The following RTCA variants were observed in gnomAD, a reference collection of about 807,000 sequenced individuals.
RTCA encodes the protein RNA 3'-terminal phosphate cyclase, also known as RNA terminal phosphate cyclase domain 1.
In RTCA, 37 loss-of-function variants were observed where a neutral mutation model predicts 46.1. The observed-to-expected ratio is 0.80, with a 90% CI of 0.62 to 1.06. The LOEUF (loss-of-function observed/expected upper bound fraction) is 1.06, where lower values mean the gene tolerates loss of function less well. Ranked by LOEUF, RTCA falls within the 50% of genes least tolerant of loss-of-function variation. The probability of loss-of-function intolerance (pLI) is 0.00; values close to 1 mark genes in which losing one functional copy is unlikely to be tolerated. For synonymous variants in RTCA, 164 were observed against 158.3 expected (o/e 1.04, Z -0.27); for missense variants, 435 against 455.5 (o/e 0.95, Z 0.41).
intron 10 of RTCA, among the ~76,000 whole-genome samples, chr1:100,290,523 C>T (rs72983935): frequency 0.035 from 5,274 of 152,256 alleles, 312 homozygotes; most frequent in African/African-American, 0.12. Context: ...GTAATCCCAG[C>T]GCTTTAGGAA....
At chr1:100,289,882 T>C (rs144169219) in intron 10 of RTCA, among the ~76,000 whole-genome samples, 1 of 152,388 alleles carries the variant, frequency 6.6e-6, no homozygotes, top group East Asian at 1.9e-4. Flanking sequence ...ATAGGCCTGC[T>C]ATGCTCCTTT....
At chr1:100,282,253 G>C (rs1486945506) in intron 8 of RTCA, among the ~76,000 whole-genome samples, 1 of 152,186 alleles carries the variant, frequency 6.6e-6, no homozygotes, top group East Asian at 1.9e-4. Context: ...TATCAAGGTG[G>C]CTGGGTGGAA....
intron 9 of RTCA, 26 bp from the exon 10 acceptor site, chr1:100,287,073 G>A (rs768131752): frequency 1.4e-6 from 2 of 1,463,524 alleles, no homozygotes; most frequent in Non-Finnish European, 1.8e-6. Flanking sequence ...AATGTGTGAG[G>A]TTTTTCTTTG....
In RTCA at chr1:100,266,609, G is replaced by A; in HGVS notation, c.131G>A (p.Ser44Asn). 1 of 1,612,828 alleles carries A rather than the reference G, an allele frequency of 6.2e-7. No homozygotes were observed. Residue 44 changes from serine to asparagine, a missense_variant, in exon 2 of 11, where the codon AGC becomes AAC. Transcript: ENST00000370128. Reference sequence around the variant, plus strand: ...GTGCAGAAGATCCGAGCCGGCCGGAGCACGCCAGGCCTGAGGTAAATCTGG... The same window carrying A: ...GTGCAGAAGATCCGAGCCGGCCGGAACACGCCAGGCCTGAGGTAAATCTGG... ...LRVQKIRAGRSTPGLRPQHLS... is the reference protein window; with the variant it reads ...LRVQKIRAGRNTPGLRPQHLS...
chr1:100,270,557 G>C lies in RTCA; in HGVS notation c.291G>C (p.Gly97=). The C allele has an allele frequency of 6.2e-7, 1 of 1,613,720 alleles. No homozygotes were observed. The highest frequency in any genetic ancestry group is 1.1e-5 in the South Asian group (1 of 90,982). ...GIHTADTKTA[G]SVCLLMQVSM... ...TAAGCCCCTTCTGCCTTCTCCTTAGGAGTGTGTGCCTCTTGATGCAGGTCT... is the reference window on the plus strand; with the variant it reads ...TAAGCCCCTTCTGCCTTCTCCTTAGCAGTGTGTGCCTCTTGATGCAGGTCT... The change falls in exon 4 of 11, where the codon GGG becomes GGC. Residue 97 remains glycine (G), a splice_region_variant and synonymous_variant. Transcript: ENST00000370128.
chr1:100,283,922 T>TAAAAAAAA (rs562483681), intron 8 of RTCA, among the ~76,000 whole-genome samples: 8 of 11,370 alleles, frequency 7.0e-4, no homozygotes, highest in Admixed American at 2.4e-3. Context: ...ACCTAGTCGC[T>TAAAAAAAA]AAAAAAAAAA....
Position 100,267,891 on chromosome 1 carries a change from A to G in RTCA, c.147-261A>G, listed in dbSNP as rs1665876946. ...AACTATTAGTTTTCTTCTTTAGCAC[A>G]CTTCTAATTTGCAGCAATATATCAG... On this transcript the variant is annotated intron_variant, in intron 2 of 10. Coordinates refer to ENST00000370128, the MANE Select transcript of RTCA (RefSeq NM_003729.4). 2.6e-5 allele frequency among the ~76,000 whole-genome samples: 4 copies of G among 152,278 alleles called. No individual in the cohort carries two copies. In the South Asian group the frequency reaches 8.3e-4, roughly 32 times the overall value.
At chr1:100,268,913 G>T (rs535176254) in intron 3 of RTCA, among the ~76,000 whole-genome samples, 1 of 152,102 alleles carries the variant, frequency 6.6e-6, no homozygotes, top group East Asian at 1.9e-4. Context: ...ACCAGGCCAG[G>T]TGCGGTGGCT....
At position 100,275,519 on chromosome 1, in the gene RTCA, ATG is replaced by A. The variant is rs1341106012; in HGVS notation, c.616-76_616-75del. 6.6e-6 allele frequency: 7 copies of A among 1,057,682 alleles called. No individual in the cohort carries two copies. The South Asian group carries it at 8.2e-5, about 12-fold the overall frequency. The allele number at this position is 1,057,682 out of a possible 1,614,324, so 65.5% of individuals were successfully genotyped here. A position where few individuals can be genotyped will look rare whatever the true frequency, so the allele number is the denominator to read the frequency against. On this transcript the variant is annotated intron_variant, in intron 6 of 10. Coordinates refer to ENST00000370128, the MANE Select transcript of RTCA (RefSeq NM_003729.4). ...GCATGTAAAAGCTACCAATTATTTT[ATG>A]TGTCTTTGAAGTCTTGAAAACAATT...
intron 8 of RTCA, among the ~76,000 whole-genome samples, chr1:100,278,211 C>T (rs918452115): frequency 2.6e-5 from 4 of 152,136 alleles, no homozygotes; most frequent in African/African-American, 4.8e-5. Context: ...TTATCCTGCA[C>T]CCATAACAGC....
At chr1:100,286,279 C>T (rs1297384167) in intron 9 of RTCA, among the ~76,000 whole-genome samples, 3 of 151,704 alleles carry the variant, frequency 2.0e-5, no homozygotes, top group African/African-American at 4.8e-5. Flanking sequence ...GGTGAAACCC[C>T]GTCTCTACTG....
At chr1:100,274,165 A>C (rs1315377587) in intron 5 of RTCA, among the ~76,000 whole-genome samples, 1 of 151,950 alleles carries the variant, frequency 6.6e-6, no homozygotes, top group African/African-American at 2.4e-5. Context: ...TCATATTTGC[A>C]CCTATGTTGT....
chr1:100,279,505 G>A (rs1329866326), intron 8 of RTCA, among the ~76,000 whole-genome samples: 1 of 152,180 alleles, frequency 6.6e-6, no homozygotes, highest in Non-Finnish European at 1.5e-5. Context: ...TCTGGGTGAG[G>A]TGGCATGCAG....
At chr1:100,282,611 G>A (rs1165803463) in intron 8 of RTCA, among the ~76,000 whole-genome samples, 1 of 152,120 alleles carries the variant, frequency 6.6e-6, no homozygotes, top group Non-Finnish European at 1.5e-5. Flanking sequence ...GATAAATAGT[G>A]GGTATGCAAT....
chr1:100,270,856 C>T (rs1197684583), intron 4 of RTCA, among the ~76,000 whole-genome samples, 176 bp downstream of exon 4: 2 of 151,110 alleles, frequency 1.3e-5, no homozygotes, highest in African/African-American at 4.9e-5. Context: ...GGCTGGAGTA[C>T]AGTTGCATAT....
At chr1:100,275,753 T>C in intron 7 of RTCA, 30 bp downstream of exon 7, 2 of 1,575,420 alleles carry the variant, frequency 1.3e-6, no homozygotes, top group Non-Finnish European at 1.7e-6. Flanking sequence ...TACACATTAG[T>C]TGAGAACCCT....
intron 2 of RTCA, 69 bp downstream of exon 2, chr1:100,266,693 G>T (rs1665798655): frequency 6.8e-6 from 9 of 1,328,834 alleles, no homozygotes; most frequent in African/African-American, 1.4e-5. Context: ...GCCGGGCTGG[G>T]GCATCGGGAG....
chr1:100,278,160 A>G (rs1666506385), intron 8 of RTCA, among the ~76,000 whole-genome samples: 1 of 152,190 alleles, frequency 6.6e-6, no homozygotes, highest in South Asian at 2.1e-4. Context: ...TTACCTTTGT[A>G]ATTAACTAGT....
At position 100,268,204 on chromosome 1, in the gene RTCA, C is replaced by G; in HGVS notation, c.199C>G (p.Leu67Val). 1 of 1,614,138 alleles carries G rather than the reference C, an allele frequency of 6.2e-7. No homozygotes were observed. Among genetic ancestry groups the G allele is most frequent in the Non-Finnish European group, 8.5e-7 (1 of 1,180,028 alleles). The change falls in exon 3 of 11, where the codon CTG (leucine) becomes GTG (valine). Residue 67 changes from leucine to valine, a missense_variant. Physicochemically the swap from Leu to Val is conservative, Grantham distance 32 (BLOSUM62 1). Coordinates refer to ENST00000370128, the MANE Select transcript of RTCA (RefSeq NM_003729.4). The part of the protein sequence containing the change: ...EMIRDLCDGQ[L>V]EGAEIGSTEI... ...GATTCGAGATTTGTGTGATGGGCAA[C>G]TGGAGGGGGCAGAAATTGGCTCAAC...
Sources: gnomAD v4.1 joint callset for allele counts (sites outside exome capture counted in the v4.1 genomes callset) on GRCh38, gnomAD v4.1.1 for gene constraint, MANE v1.5 for transcripts, NCBI Gene and HGNC (gene_info 2026-07-23, HGNC 2026-07-21) for gene names.